DNAH7: variants seen among roughly 807,000 people sequenced by gnomAD.
The protein encoded by DNAH7 is dynein axonemal heavy chain 7, also known as axonemal beta dynein heavy chain 7.
DNAH7 carries 397 observed loss-of-function variants against 444.6 expected under a neutral mutation model. The observed-to-expected ratio is 0.89, with a 90% confidence interval of 0.82 to 0.97. DNAH7 has a LOEUF of 0.97. Among genes scored for constraint, DNAH7 ranks in the 50% least tolerant of loss-of-function variants. DNAH7 has a pLI of 0.00. For missense variants in DNAH7, 4,902 were observed against 4,800.8 expected (o/e 1.02, Z -0.62); for synonymous variants, 1,636 against 1,624.4 (o/e 1.01, Z -0.17).
chr2:195,950,832 A>G (rs1287895273), intron 19 of DNAH7, among the ~76,000 whole-genome samples: 2 of 122,970 alleles, frequency 1.6e-5, no homozygotes, highest in Non-Finnish European at 3.2e-5. Flanking sequence ...AGCCTAGGCA[A>G]CAGAGTGGGA....
At chr2:195,936,335 T>C (rs969901182) in intron 20 of DNAH7, among the ~76,000 whole-genome samples, 1 of 152,018 alleles carries the variant, frequency 6.6e-6, no homozygotes, top group African/African-American at 2.4e-5. Flanking sequence ...GGTCGCGCCA[T>C]TGCACTCCAG....
chr2:196,051,893 T>C (rs1181633504), intron 2 of DNAH7, among the ~76,000 whole-genome samples: 1 of 152,224 alleles, frequency 6.6e-6, no homozygotes, highest in Non-Finnish European at 1.5e-5. Context: ...ACAACTTGTA[T>C]AACCTCCTCT....
At chr2:195,980,180 C>T (rs1373078637) in intron 15 of DNAH7, among the ~76,000 whole-genome samples, 1 of 151,638 alleles carries the variant, frequency 6.6e-6, no homozygotes, top group African/African-American at 2.4e-5. Flanking sequence ...GGGAGGGACC[C>T]GGTGGGAGGT....
At chr2:196,032,909 C>T (rs1696145757) in intron 5 of DNAH7, among the ~76,000 whole-genome samples, 1 of 152,122 alleles carries the variant, frequency 6.6e-6, no homozygotes, top group African/African-American at 2.4e-5. Flanking sequence ...AAAAGGATTA[C>T]ACACAATGAC....
intron 15 of DNAH7, among the ~76,000 whole-genome samples, chr2:195,975,667 C>G (rs1426567829): frequency 2.0e-5 from 3 of 152,144 alleles, no homozygotes; most frequent in Non-Finnish European, 4.4e-5. Context: ...CTTCATTCCA[C>G]TTGAGGAGAG....
intron 14 of DNAH7, 108 bp downstream of exon 14, chr2:195,986,958 T>C (rs1692950520): frequency 2.0e-6 from 2 of 1,010,498 alleles, no homozygotes; most frequent in Admixed American, 2.8e-5. Flanking sequence ...AATCATTTCT[T>C]TGGAATCATT....
At chr2:195,814,247 C>A (rs182014828) in intron 51 of DNAH7, among the ~76,000 whole-genome samples, 1 of 152,202 alleles carries the variant, frequency 6.6e-6, no homozygotes, top group East Asian at 1.9e-4. Flanking sequence ...CTTTTGGTTC[C>A]AAAATTATAC....
chr2:195,960,188 A>G lies in DNAH7; in HGVS notation c.2891+72T>C, dbSNP rs977781274. On this transcript the variant is annotated intron_variant, in intron 18 of 64. Coordinates refer to ENST00000312428, the MANE Select transcript of DNAH7 (RefSeq NM_018897.3). ...AATATTATGTGTGAAATAATTCTCA[A>G]AAGAACTTTACATTAAACACAAGTG... The G allele has an allele frequency of 1.6e-5, 20 of 1,281,020 alleles. No homozygotes were observed. In the African/African-American group the frequency reaches 3.0e-4, roughly 19 times the overall value. 79.4% of individuals were successfully genotyped at this position (1,281,020 alleles called of 1,614,324 possible).
chr2:196,051,834 T>C (rs1467805182), intron 2 of DNAH7, among the ~76,000 whole-genome samples: 1 of 152,100 alleles, frequency 6.6e-6, no homozygotes, highest in Non-Finnish European at 1.5e-5. Flanking sequence ...CAATCAAAAC[T>C]CGCCAGCTCT....
chr2:195,771,683 C>T lies in DNAH7; in HGVS notation c.11410G>A (p.Val3804Ile), dbSNP rs113133988. ...KLLKTIRDSC[V>I]NIQKAIKGLA... The stretch of plus-strand genomic sequence containing the variant: ...ACCTTGATTGCTTTTTGAATATTTA[C>T]GCACGAATCTCTTATGGTCTTCAGT... Residue 3804 changes from valine (V) to isoleucine (I), a missense_variant, in exon 61 of 65, where the codon GTA becomes ATA. Physicochemically the swap from Val to Ile is conservative, Grantham distance 29 (BLOSUM62 3). Transcript: ENST00000312428. 6.4e-5 allele frequency: 103 copies of T among 1,612,946 alleles called. 1 individual carries two copies. Among genetic ancestry groups the T allele is most frequent in the African/African-American group, 3.5e-4 (26 of 74,968 alleles).
At chr2:195,914,212 C>T (rs1246332161) in intron 24 of DNAH7, among the ~76,000 whole-genome samples, 1 of 152,176 alleles carries the variant, frequency 6.6e-6, no homozygotes, top group Non-Finnish European at 1.5e-5. Flanking sequence ...AATACAGAAA[C>T]TCTATATCTT....
intron 19 of DNAH7, among the ~76,000 whole-genome samples, chr2:195,938,087 G>A (rs558181411): frequency 2.6e-4 from 39 of 152,182 alleles, no homozygotes; most frequent in Non-Finnish European, 4.0e-4. Context: ...AATTGCAGGA[G>A]TCTCTAAAGT....
intron 36 of DNAH7, among the ~76,000 whole-genome samples, chr2:195,877,303 T>C (rs955092573): frequency 2.6e-5 from 4 of 152,182 alleles, no homozygotes; most frequent in African/African-American, 7.2e-5. Flanking sequence ...CCCTTGCCAC[T>C]TAAGGACCAA....
chr2:195,974,481 G>C (rs955623370), intron 15 of DNAH7, among the ~76,000 whole-genome samples: 2 of 152,026 alleles, frequency 1.3e-5, no homozygotes, highest in Non-Finnish European at 2.9e-5. Flanking sequence ...TGCTAATTCT[G>C]TCAAAGGCTA....
In DNAH7 at chr2:195,864,481, T is replaced by A. The variant is rs755613605; in HGVS notation, c.7174A>T (p.Met2392Leu). Reference sequence around the variant, plus strand: ...TCTGTAAACAGGAAGACACCCTGCATCTCACCTTCCGCACATTTCCTTAAG... The same window carrying A: ...TCTGTAAACAGGAAGACACCCTGCAACTCACCTTCCGCACATTTCCTTAAG... Reference protein sequence around the residue: ...VILRKCAEGEMQGVFLFTDTQ... With the variant: ...VILRKCAEGELQGVFLFTDTQ... The change falls in exon 41 of 65, where the codon ATG (methionine) becomes TTG (leucine). Residue 2392 changes from methionine (M) to leucine (L), a missense_variant. By Grantham distance (15) the Met-to-Leu change is conservative (BLOSUM62 2). Coordinates refer to ENST00000312428, the MANE Select transcript of DNAH7 (RefSeq NM_018897.3). 8 of 1,614,238 alleles carry A rather than the reference T, an allele frequency of 5.0e-6. No individual in the cohort carries two copies. Among genetic ancestry groups the A allele is most frequent in the Non-Finnish European group, 6.8e-6 (8 of 1,180,040 alleles).
At chr2:195,770,478 T>C (rs1694782781) in intron 61 of DNAH7, among the ~76,000 whole-genome samples, 1 of 152,146 alleles carries the variant, frequency 6.6e-6, no homozygotes. Flanking sequence ...TTTCTACTTG[T>C]GTTCCTGGAC....
At chr2:196,055,363 T>C (rs557610636) in intron 2 of DNAH7, among the ~76,000 whole-genome samples, 15 of 151,898 alleles carry the variant, frequency 9.9e-5, no homozygotes, top group Non-Finnish European at 2.1e-4. Context: ...AATTACAAAA[T>C]GGTTAACCAT....
intron 9 of DNAH7, among the ~76,000 whole-genome samples, chr2:196,018,330 T>A (rs10169623): frequency 0.99 from 151,479 of 152,244 alleles, 75,358 homozygotes; most frequent in Middle Eastern, 1. Context: ...TAAAAACGTA[T>A]AGTATCAAAC....
rs774395604 is a variant in DNAH7, at chr2:195,934,752, C to T, written c.3310G>A (p.Ala1104Thr). 8.7e-6 allele frequency: 14 copies of T among 1,614,050 alleles called. No homozygotes were observed. The highest frequency in any genetic ancestry group is 1.7e-5 in the Admixed American group (1 of 59,996). The change falls in exon 21 of 65, where the codon GCA (alanine) becomes ACA (threonine). Residue 1104 changes from alanine to threonine, a missense_variant. Ala to Thr is a moderately conservative substitution (Grantham distance 58, BLOSUM62 0). Coordinates refer to ENST00000312428, the MANE Select transcript of DNAH7 (RefSeq NM_018897.3). Reference protein sequence around the residue: ...PHLKKCFEGIAKVEFTETLDI... With the variant: ...PHLKKCFEGITKVEFTETLDI... ...AAAGTTTCCGTAAATTCTACCTTTG[C>T]GATTCCTTCAAAACATTTCTTCAAG...
Sources: allele counts gnomAD v4.1 joint callset (sites outside exome capture counted in the v4.1 genomes callset), GRCh38; gene constraint gnomAD v4.1.1; transcripts MANE v1.5; gene names NCBI Gene and HGNC (gene_info 2026-07-23, HGNC 2026-07-21).